The following SERGEF variants were observed in gnomAD, a reference collection of about 807,000 sequenced individuals.
The protein encoded by SERGEF is secretion-regulating guanine nucleotide exchange factor.
A neutral mutation model predicts 50.0 loss-of-function variants in SERGEF; 51 were observed. The observed-to-expected ratio is 1.02, with a 90% CI of 0.81 to 1.29. SERGEF has a LOEUF of 1.29. Ranked by LOEUF, SERGEF falls within the 50% of genes most tolerant of loss-of-function variation. SERGEF has a pLI of 0.00. For missense variants in SERGEF, 521 were observed against 557.0 expected, an observed-to-expected ratio of 0.94 and a Z score of 0.65; for synonymous variants, 205 against 212.4, an observed-to-expected ratio of 0.97 and a Z score of 0.30.
At chr11:17,797,174 C>A (rs1256218672) in intron 10 of SERGEF, among the ~76,000 whole-genome samples, 8 of 152,250 alleles carry the variant, frequency 5.3e-5, no homozygotes, top group Admixed American at 5.2e-4. Flanking sequence ...ATTCTCCACA[C>A]AGCAACTTGA....
chr11:17,932,066 A>C (rs1852362630), intron 9 of SERGEF, among the ~76,000 whole-genome samples: 1 of 151,044 alleles, frequency 6.6e-6, no homozygotes, highest in Admixed American at 6.6e-5. Flanking sequence ...GGAAAAAAAA[A>C]CAGCTTTGTC....
chr11:17,841,182 G>A (rs866969896), intron 10 of SERGEF, among the ~76,000 whole-genome samples: 5 of 152,260 alleles, frequency 3.3e-5, no homozygotes, highest in Middle Eastern at 6.8e-3. Context: ...CACATTTCTC[G>A]GGGCATCCTA....
At chr11:17,950,151 AAGGGC>A (rs1486397260) in intron 9 of SERGEF, among the ~76,000 whole-genome samples, 9 of 152,218 alleles carry the variant, frequency 5.9e-5, no homozygotes, top group Admixed American at 5.9e-4. Context: ...GTCAGAAAGT[AAGGGC>A]ACACATTCAT....
At chr11:17,898,999 CA>C (rs1437531482) in intron 9 of SERGEF, among the ~76,000 whole-genome samples, 1 of 152,104 alleles carries the variant, frequency 6.6e-6, no homozygotes, top group Non-Finnish European at 1.5e-5. Flanking sequence ...AAGTATGTAG[CA>C]CCTCCTCCTT....
chr11:17,790,031 A>G (rs1428224137), intron 10 of SERGEF, among the ~76,000 whole-genome samples: 5 of 152,228 alleles, frequency 3.3e-5, no homozygotes, highest in Non-Finnish European at 5.9e-5. Context: ...TTTCTTCTCA[A>G]GATGCATTAA....
At chr11:17,909,143 C>T (rs1851904171) in intron 9 of SERGEF, among the ~76,000 whole-genome samples, 1 of 152,186 alleles carries the variant, frequency 6.6e-6, no homozygotes, top group Admixed American at 6.5e-5. Context: ...GTAGCTCCAC[C>T]ACTTACTACC....
chr11:17,919,594 A>G (rs1852116000), intron 9 of SERGEF, among the ~76,000 whole-genome samples: 1 of 152,142 alleles, frequency 6.6e-6, no homozygotes, highest in African/African-American at 2.4e-5. Context: ...TGCATTATAG[A>G]TATCACTTAT....
At chr11:18,007,145 G>C (rs1197399413) in intron 2 of SERGEF, among the ~76,000 whole-genome samples, 1 of 152,184 alleles carries the variant, frequency 6.6e-6, no homozygotes, top group Non-Finnish European at 1.5e-5. Context: ...TTAATTTTTA[G>C]TTATTTTTAA....
At chr11:18,005,405 C>T (rs1854052786) in intron 3 of SERGEF, among the ~76,000 whole-genome samples, 1 of 152,116 alleles carries the variant, frequency 6.6e-6, no homozygotes, top group African/African-American at 2.4e-5. Flanking sequence ...CTGGTCCAGA[C>T]AGACAGAAGA....
chr11:17,907,821 A>C (rs567018639), intron 9 of SERGEF, among the ~76,000 whole-genome samples: 3 of 152,154 alleles, frequency 2.0e-5, no homozygotes, highest in South Asian at 2.1e-4. Context: ...ATAGTTAACT[A>C]GGAAACAAAC....
At chr11:17,788,496 C>T (rs1849426238) in intron 10 of SERGEF, 83 bp from the exon 11 acceptor site, 6 of 1,187,088 alleles carry the variant, frequency 5.1e-6, no homozygotes. Flanking sequence ...CAGGTATCAT[C>T]ATAAACCCCA....
intron 9 of SERGEF, among the ~76,000 whole-genome samples, chr11:17,906,772 A>G (rs1477153190): frequency 1.3e-5 from 2 of 151,432 alleles, no homozygotes; most frequent in Middle Eastern, 3.4e-3. Flanking sequence ...TACTGTGTCA[A>G]GCAGCCTAAT....
chr11:17,898,844 C>T (rs968446798), intron 9 of SERGEF, among the ~76,000 whole-genome samples: 1 of 152,140 alleles, frequency 6.6e-6, no homozygotes, highest in Non-Finnish European at 1.5e-5. Context: ...AATCTCATGT[C>T]AAATTGTAAT....
intron 10 of SERGEF, among the ~76,000 whole-genome samples, chr11:17,860,745 G>C (rs1390714421): frequency 6.6e-6 from 1 of 152,148 alleles, no homozygotes; most frequent in East Asian, 1.9e-4. Flanking sequence ...ATCTTAATAG[G>C]TTTAGCTTTT....
At chr11:17,803,096 C>T (rs1221466629) in intron 10 of SERGEF, among the ~76,000 whole-genome samples, 1 of 152,264 alleles carries the variant, frequency 6.6e-6, no homozygotes, top group Non-Finnish European at 1.5e-5. Flanking sequence ...GGCAGACCAT[C>T]TACTGGGATC....
At position 17,998,069 on chromosome 11, in the gene SERGEF, A is replaced by T. The variant is rs1403519738; in HGVS notation, c.509-2160T>A. On this transcript the variant is annotated intron_variant, in intron 5 of 10. Coordinates refer to ENST00000265965, the MANE Select transcript of SERGEF (RefSeq NM_012139.4). The stretch of plus-strand genomic sequence containing the variant: ...AAAATTAAGAAAAAAATAATTTTTT[A>T]AAAAAAGAAAGAAAGACTTGTGATA... Among the ~76,000 whole-genome samples, 3 of 152,136 alleles carry T rather than the reference A, an allele frequency of 2.0e-5. No individual in the cohort carries two copies. In the East Asian group the frequency reaches 5.8e-4, roughly 29 times the overall value.
At chr11:17,926,531 A>G (rs1458341480) in intron 9 of SERGEF, among the ~76,000 whole-genome samples, 8 of 152,208 alleles carry the variant, frequency 5.3e-5, no homozygotes, top group Admixed American at 5.2e-4. Flanking sequence ...TTCAAGTTTC[A>G]GAGGTTAGCA....
chr11:17,825,911 T>A (rs1261963039), intron 10 of SERGEF, among the ~76,000 whole-genome samples: 1 of 152,190 alleles, frequency 6.6e-6, no homozygotes, highest in Admixed American at 6.5e-5. Flanking sequence ...ACAGGCAGCA[T>A]CTTATAAGAG....
intron 10 of SERGEF, among the ~76,000 whole-genome samples, chr11:17,864,642 T>G (rs545280309): frequency 6.6e-6 from 1 of 152,254 alleles, no homozygotes; most frequent in East Asian, 1.9e-4. Flanking sequence ...ATATATCAGT[T>G]CCAGGGCTGA....
Sources: allele counts gnomAD v4.1 joint callset (sites outside exome capture counted in the v4.1 genomes callset), GRCh38; gene constraint gnomAD v4.1.1; transcripts MANE v1.5; gene names NCBI Gene and HGNC (gene_info 2026-07-23, HGNC 2026-07-21).